The following CNTN4 variants were observed in gnomAD, a reference collection of about 807,000 sequenced individuals.
The protein encoded by CNTN4 is contactin 4.
A neutral mutation model predicts 122.5 loss-of-function variants in CNTN4; 77 were observed. That is an observed-to-expected ratio of 0.63 (90% CI 0.52 to 0.76). The LOEUF (loss-of-function observed/expected upper bound fraction) is 0.76, where lower values mean the gene tolerates loss of function less well. Among genes scored for constraint, CNTN4 ranks in the 30% least tolerant of loss-of-function variants. The pLI, the probability that CNTN4 is intolerant of heterozygous loss-of-function variation, is 0.00. For missense variants in CNTN4, 1,256 were observed against 1,259.1 expected, an observed-to-expected ratio of 1.00 and a Z score of 0.04; for synonymous variants, 512 against 447.0, an observed-to-expected ratio of 1.15 and a Z score of -1.83.
At chr3:2,881,127 C>A (rs1486060224) in intron 8 of CNTN4, among the ~76,000 whole-genome samples, 1 of 152,156 alleles carries the variant, frequency 6.6e-6, no homozygotes, top group African/African-American at 2.4e-5. Flanking sequence ...GTTAGCTAGA[C>A]TGTAAGTCAT....
chr3:2,748,419 T>A (rs866667128), intron 6 of CNTN4, among the ~76,000 whole-genome samples: 10 of 92,922 alleles, frequency 1.1e-4, no homozygotes, highest in Non-Finnish European at 2.1e-4. Context: ...CTTTAAGTCT[T>A]TTTTTTCAAT....
chr3:2,214,833 ATATTCT>A (rs2038770070), intron 2 of CNTN4, among the ~76,000 whole-genome samples: 1 of 152,220 alleles, frequency 6.6e-6, no homozygotes, highest in Admixed American at 6.5e-5. Flanking sequence ...ATATAATCTG[ATATTCT>A]TATTTAATAG....
intron 4 of CNTN4, among the ~76,000 whole-genome samples, chr3:2,579,501 A>T (rs1264809688): frequency 6.6e-6 from 1 of 151,366 alleles, no homozygotes; most frequent in Admixed American, 6.6e-5. Context: ...GAGTTGTGTG[A>T]TAAAGGTACA....
chr3:2,830,064 A>C (rs748320829), intron 7 of CNTN4, among the ~76,000 whole-genome samples: 5 of 152,226 alleles, frequency 3.3e-5, no homozygotes, highest in Non-Finnish European at 5.9e-5. Context: ...AGCAGAAATA[A>C]ATTTCAGGAA....
rs116111368 is a variant in CNTN4 at position 2,617,088 on chromosome 3, C to T, written c.55+45530C>T. ...TTCAGGACACGGGCACGGGCAAAGA[C>T]TTCATGACGTCAATGCCAAAAGCAA... is the stretch of plus-strand genomic sequence containing the variant. On this transcript the variant is annotated intron_variant, in intron 4 of 24. Coordinates refer to ENST00000418658, the MANE Select transcript of CNTN4 (RefSeq NM_175607.3). 1.1e-3 allele frequency among the ~76,000 whole-genome samples: 160 copies of T among 152,274 alleles called. 1 individual carries two copies. The highest frequency in any genetic ancestry group is 2.9e-3 in the African/African-American group (121 of 41,556).
intron 14 of CNTN4, among the ~76,000 whole-genome samples, chr3:3,004,927 G>C (rs1361933608): frequency 6.6e-6 from 1 of 152,232 alleles, no homozygotes; most frequent in Non-Finnish European, 1.5e-5. Context: ...GGTGGAGGCT[G>C]CCTGGTCGGT....
chr3:2,605,361 G>A (rs1247511577), intron 4 of CNTN4, among the ~76,000 whole-genome samples: 2 of 152,184 alleles, frequency 1.3e-5, no homozygotes, highest in African/African-American at 4.8e-5. Flanking sequence ...GGAGGTGGGA[G>A]AAGGGGATCA....
intron 14 of CNTN4, among the ~76,000 whole-genome samples, chr3:2,989,625 C>T (rs1694882762): frequency 6.6e-6 from 1 of 151,572 alleles, no homozygotes; most frequent in African/African-American, 2.4e-5. Flanking sequence ...AATTGGAAGT[C>T]CAAGAGTTAG....
chr3:2,335,722 C>A (rs1294334488), intron 2 of CNTN4, among the ~76,000 whole-genome samples: 1 of 151,890 alleles, frequency 6.6e-6, no homozygotes, highest in Non-Finnish European at 1.5e-5. Flanking sequence ...AAGAATACAG[C>A]AACTGAACAT....
At chr3:2,207,548 C>T (rs1428945511) in intron 2 of CNTN4, among the ~76,000 whole-genome samples, 1 of 152,076 alleles carries the variant, frequency 6.6e-6, no homozygotes, top group Non-Finnish European at 1.5e-5. Flanking sequence ...CCCTTAAAGA[C>T]CTAACCCTAA....
chr3:2,226,249 G>T (rs1461764430), intron 2 of CNTN4, among the ~76,000 whole-genome samples: 1 of 152,054 alleles, frequency 6.6e-6, no homozygotes, highest in Non-Finnish European at 1.5e-5. Flanking sequence ...ATCCTTGAAG[G>T]TTGGACTTGC....
At chr3:2,104,485 T>G (rs1009846645) in intron 2 of CNTN4, among the ~76,000 whole-genome samples, 7 of 152,322 alleles carry the variant, frequency 4.6e-5, no homozygotes, top group African/African-American at 1.7e-4. Flanking sequence ...ATGGGGTCAT[T>G]CAGGGAATCA....
At chr3:2,768,889 T>C (rs939089440) in intron 6 of CNTN4, among the ~76,000 whole-genome samples, 2 of 152,176 alleles carry the variant, frequency 1.3e-5, no homozygotes, top group African/African-American at 2.4e-5. Context: ...AGCTCAGAAA[T>C]AGGAAGTGAC....
At chr3:2,268,616 A>G (rs2041149227) in intron 2 of CNTN4, among the ~76,000 whole-genome samples, 1 of 152,094 alleles carries the variant, frequency 6.6e-6, no homozygotes, top group African/African-American at 2.4e-5. Context: ...GTCCTAGTTA[A>G]TGTGATATAT....
At chr3:2,178,734 A>G (rs1006170237) in intron 2 of CNTN4, among the ~76,000 whole-genome samples, 15 of 152,026 alleles carry the variant, frequency 9.9e-5, no homozygotes, top group African/African-American at 2.4e-5. Flanking sequence ...TGGCATCTGT[A>G]TCTTTTTTGG....
intron 2 of CNTN4, among the ~76,000 whole-genome samples, chr3:2,281,126 A>T (rs973224855): frequency 6.6e-6 from 1 of 152,182 alleles, no homozygotes; most frequent in Non-Finnish European, 1.5e-5. Context: ...TCACCTCCTC[A>T]TTTCTAAAAG....
At chr3:2,288,958 G>T (rs1165733439) in intron 2 of CNTN4, among the ~76,000 whole-genome samples, 1 of 152,076 alleles carries the variant, frequency 6.6e-6, no homozygotes, top group Non-Finnish European at 1.5e-5. Context: ...ATTAAAGATA[G>T]GTAGCGAAAT....
At chr3:2,763,059 A>G (rs2090667896) in intron 6 of CNTN4, among the ~76,000 whole-genome samples, 1 of 148,418 alleles carries the variant, frequency 6.7e-6, no homozygotes, top group Non-Finnish European at 1.5e-5. Flanking sequence ...CTCCCGCCTC[A>G]GCCTCCCAAG....
intron 13 of CNTN4, among the ~76,000 whole-genome samples, chr3:2,971,840 AT>A (rs2125105974): frequency 6.6e-6 from 1 of 152,320 alleles, no homozygotes; most frequent in African/African-American, 2.4e-5. Flanking sequence ...TGCTGTAAAC[AT>A]TTGCAAATTA....
Sources: allele counts gnomAD v4.1 joint callset (sites outside exome capture counted in the v4.1 genomes callset), GRCh38; gene constraint gnomAD v4.1.1; transcripts MANE v1.5; gene names NCBI Gene and HGNC (gene_info 2026-07-23, HGNC 2026-07-21).